The following TMEM230 variants were observed in gnomAD, a reference collection of about 807,000 sequenced individuals.
TMEM230 encodes the protein transmembrane protein 230, also known as UPF0414 transmembrane protein C20orf30.
A neutral mutation model predicts 15.8 loss-of-function variants in TMEM230; 10 were observed. The ratio of observed to expected loss-of-function variants is 0.63; its 90% CI spans 0.39 to 1.07. The LOEUF (loss-of-function observed/expected upper bound fraction) is 1.07, where lower values mean the gene tolerates loss of function less well. TMEM230 is among the 50% of genes least tolerant of loss of function. The pLI is 0.01. For synonymous variants in TMEM230, 67 were observed against 76.9 expected, an observed-to-expected ratio of 0.87 and a Z score of 0.68; for missense variants, 165 against 193.3, an observed-to-expected ratio of 0.85 and a Z score of 0.87.
At chr20:5,070,319 T>C (rs923270254) in intron 3 of TMEM230, among the ~76,000 whole-genome samples, 1 of 152,182 alleles carries the variant, frequency 6.6e-6, no homozygotes. Context: ...TTGCGCTAAC[T>C]GTAGCACTAA....
intron 3 of TMEM230, among the ~76,000 whole-genome samples, chr20:5,070,970 T>C (rs1322872168): frequency 2.0e-5 from 3 of 152,186 alleles, no homozygotes; most frequent in Non-Finnish European, 4.4e-5. Flanking sequence ...AGAAATTGGC[T>C]TCCCAGAAGA....
chr20:5,112,009 G>T (rs142475952), intron 1 of TMEM230, among the ~76,000 whole-genome samples: 1 of 152,096 alleles, frequency 6.6e-6, no homozygotes, highest in African/African-American at 2.4e-5. Flanking sequence ...ACCACGCCCG[G>T]CTAATTTTTC....
At chr20:5,111,915 C>T in intron 1 of TMEM230, 1 of 342,382 alleles carries the variant, frequency 2.9e-6, no homozygotes, top group Non-Finnish European at 4.1e-6. Flanking sequence ...GACCCGATCT[C>T]AGCTCACTGC....
chr20:5,063,655 G>A (rs71333994), downstream of TMEM230, among the ~76,000 whole-genome samples: 3 of 152,214 alleles, frequency 2.0e-5, no homozygotes, highest in African/African-American at 7.2e-5. Flanking sequence ...GGGGATCGGA[G>A]AACAGACCTG....
chr20:5,074,908 C>T (rs2088941362), intron 3 of TMEM230, among the ~76,000 whole-genome samples: 1 of 152,202 alleles, frequency 6.6e-6, no homozygotes, highest in South Asian at 2.1e-4. Context: ...AGCGATTCTT[C>T]CGCCTTGGCC....
the TMEM230 span, among the ~76,000 whole-genome samples, chr20:5,060,859 A>G: frequency 9.2e-5 from 14 of 152,312 alleles, no homozygotes; most frequent in South Asian, 2.9e-3. Context: ...GTGCATGAGA[A>G]GGATTCCTGG....
At chr20:5,097,486 G>A (rs1035511605), downstream of TMEM230, among the ~76,000 whole-genome samples, 2 of 152,108 alleles carry the variant, frequency 1.3e-5, no homozygotes, top group Non-Finnish European at 2.9e-5. Flanking sequence ...GTTACTTTCA[G>A]GTAAAATATA....
At chr20:5,064,770 A>G (rs1020504168), downstream of TMEM230, among the ~76,000 whole-genome samples, 4 of 152,208 alleles carry the variant, frequency 2.6e-5, no homozygotes, top group African/African-American at 7.2e-5. Context: ...AAAAATAATA[A>G]AATGGACATT....
downstream of TMEM230, among the ~76,000 whole-genome samples, chr20:5,067,006 T>C (rs2122520909): frequency 6.6e-6 from 1 of 152,144 alleles, no homozygotes; most frequent in African/African-American, 2.4e-5. Flanking sequence ...AGATTTCAGG[T>C]ATGGATAGTT....
At chr20:5,077,415 T>C (rs2326588) in intron 3 of TMEM230, among the ~76,000 whole-genome samples, 71,099 of 152,050 alleles carry the variant, frequency 0.47, 18,147 homozygotes, top group East Asian at 0.84. Flanking sequence ...GACAAAAATC[T>C]GGTCCTTGGC....
chr20:5,109,765 A>C (rs1007683424), intron 2 of TMEM230, among the ~76,000 whole-genome samples: 1 of 152,182 alleles, frequency 6.6e-6, no homozygotes, highest in Non-Finnish European at 1.5e-5. Flanking sequence ...AGATTCCCTG[A>C]CTTTTAATTT....
chr20:5,070,104 G>A (rs995768050), intron 3 of TMEM230, among the ~76,000 whole-genome samples: 1 of 151,964 alleles, frequency 6.6e-6, no homozygotes, highest in African/African-American at 2.4e-5. Context: ...GAAGCCTTAC[G>A]GGTCTCATCT....
chr20:5,109,548 G>C, intron 2 of TMEM230, 103 bp from the exon 2 acceptor site: 1 of 903,232 alleles, frequency 1.1e-6, no homozygotes, highest in Non-Finnish European at 1.7e-6. Context: ...GGAGTTCTGG[G>C]CTGCCATGTC....
downstream of TMEM230, among the ~76,000 whole-genome samples, chr20:5,065,253 CAA>C (rs986106311): frequency 1.4e-5 from 2 of 143,168 alleles, no homozygotes; most frequent in Non-Finnish European, 1.5e-5. Flanking sequence ...CCCCATCTCT[CAA>C]AAAAAAAAAG....
intron 3 of TMEM230, among the ~76,000 whole-genome samples, chr20:5,086,706 C>CT (rs11287185): frequency 1.1e-3 from 158 of 145,244 alleles, no homozygotes; most frequent in African/African-American, 3.0e-3. Flanking sequence ...ATCTTTTTAT[C>CT]TTTTTTTTTT....
the TMEM230 span, among the ~76,000 whole-genome samples, chr20:5,062,898 G>T: frequency 5.9e-5 from 9 of 152,164 alleles, no homozygotes; most frequent in Non-Finnish European, 1.3e-4. Context: ...TATAGACTGA[G>T]CTATGAAGAA....
downstream of TMEM230, among the ~76,000 whole-genome samples, chr20:5,063,349 G>A (rs929455091): frequency 1.2e-4 from 16 of 135,466 alleles, no homozygotes; most frequent in South Asian, 2.4e-4. Flanking sequence ...GTGCAATGGC[G>A]TGATCTCATC....
chr20:5,104,267 G>A (rs551048992), intron 4 of TMEM230, among the ~76,000 whole-genome samples: 8 of 152,222 alleles, frequency 5.3e-5, no homozygotes, highest in Admixed American at 2.6e-4. Flanking sequence ...GCTATGTTGC[G>A]CAGGCTGGTC....
chr20:5,078,386 C>T (rs2089069690), intron 3 of TMEM230, among the ~76,000 whole-genome samples: 1 of 152,236 alleles, frequency 6.6e-6, no homozygotes, highest in Admixed American at 6.5e-5. Context: ...AGCACAGATA[C>T]TCCCAGCAAA....
Sources: allele counts gnomAD v4.1 joint callset (sites outside exome capture counted in the v4.1 genomes callset), GRCh38; gene constraint gnomAD v4.1.1; transcripts MANE v1.5; gene names NCBI Gene and HGNC (gene_info 2026-07-23, HGNC 2026-07-21).